TSNARE1: variants seen among roughly 807,000 people sequenced by gnomAD.
The protein encoded by TSNARE1 is t-SNARE domain containing 1.
A neutral mutation model predicts 62.0 loss-of-function variants in TSNARE1; 49 were observed. That is an observed-to-expected ratio of 0.79 (90% CI 0.63 to 1.00). The LOEUF is 1.00. TSNARE1 is among the 50% of genes least tolerant of loss of function. The pLI is 0.00. For missense variants in TSNARE1, 755 were observed against 700.1 expected, an observed-to-expected ratio of 1.08 and a Z score of -0.88; for synonymous variants, 328 against 294.4, an observed-to-expected ratio of 1.11 and a Z score of -1.17.
intron 1 of TSNARE1, among the ~76,000 whole-genome samples, chr8:142,385,036 G>A (rs191759199): frequency 9.3e-4 from 141 of 151,942 alleles, no homozygotes; most frequent in Non-Finnish European, 1.8e-3. Flanking sequence ...GACAAGAAAA[G>A]CGAATTAAAT....
At chr8:142,370,289 C>A (rs1820898008) in intron 1 of TSNARE1, among the ~76,000 whole-genome samples, 1 of 152,186 alleles carries the variant, frequency 6.6e-6, no homozygotes, top group Non-Finnish European at 1.5e-5. Context: ...CCCAGAGAGG[C>A]CAGGTATGGT....
At chr8:142,380,533 C>A (rs1225554605) in intron 1 of TSNARE1, among the ~76,000 whole-genome samples, 1 of 150,896 alleles carries the variant, frequency 6.6e-6, no homozygotes, top group East Asian at 2.0e-4. Context: ...CTGCACTCAT[C>A]TAGCCCAGGC....
intron 12 of TSNARE1, among the ~76,000 whole-genome samples, chr8:142,233,915 C>A (rs909508891): frequency 2.6e-5 from 4 of 152,132 alleles, no homozygotes; most frequent in Non-Finnish European, 5.9e-5. Flanking sequence ...CTTCCCCCTG[C>A]ACAGAATCGA....
intron 13 of TSNARE1, among the ~76,000 whole-genome samples, chr8:142,216,468 G>A (rs1815842726): frequency 6.6e-6 from 1 of 152,186 alleles, no homozygotes; most frequent in Admixed American, 6.5e-5. Flanking sequence ...GCCCAAGAGG[G>A]GTCTCCAGGA....
chr8:142,222,184 A>ACTCACTCATTCACTCACTCACTCATCCG (rs1816316883), intron 13 of TSNARE1, among the ~76,000 whole-genome samples: 1 of 60,284 alleles, frequency 1.7e-5, no homozygotes, highest in Non-Finnish European at 3.6e-5. Flanking sequence ...TCACTCATCC[A>ACTCACTCATTCACTCACTCACTCATCCG]CTCACTCATT....
intron 12 of TSNARE1, among the ~76,000 whole-genome samples, chr8:142,256,268 TC>T (rs1818545300): frequency 1.2e-4 from 5 of 41,510 alleles, no homozygotes; most frequent in African/African-American, 8.4e-5. Context: ...ACCATCACCA[TC>T]ACCACCACCA....
intron 13 of TSNARE1, among the ~76,000 whole-genome samples, chr8:142,222,101 T>C (rs1816299081): frequency 3.7e-5 from 1 of 27,300 alleles, no homozygotes; most frequent in African/African-American, 1.2e-4. Context: ...ACTCATCCAC[T>C]CCACTCACTC....
At chr8:142,353,365 C>T (rs915747689) in intron 2 of TSNARE1, among the ~76,000 whole-genome samples, 1 of 152,152 alleles carries the variant, frequency 6.6e-6, no homozygotes, top group African/African-American at 2.4e-5. Context: ...TCAATGGTCT[C>T]GGCGGGAAGG....
intron 12 of TSNARE1, among the ~76,000 whole-genome samples, chr8:142,230,419 C>T (rs1817046809): frequency 6.6e-6 from 1 of 152,198 alleles, no homozygotes; most frequent in Non-Finnish European, 1.5e-5. Flanking sequence ...CCCTAGACAG[C>T]AGGGAAGACA....
intron 11 of TSNARE1, chr8:142,277,454 C>G: frequency 1.0e-6 from 1 of 985,482 alleles, no homozygotes; most frequent in South Asian, 4.7e-5. Flanking sequence ...CCCTGCAGGC[C>G]TGGCCCTGCC....
chr8:142,379,855 T>G (rs1836606564), intron 1 of TSNARE1, among the ~76,000 whole-genome samples: 1 of 152,108 alleles, frequency 6.6e-6, no homozygotes, highest in Admixed American at 6.5e-5. Flanking sequence ...TCTGCCTAGA[T>G]CTACAGCCTT....
chr8:142,216,567 C>A (rs776538584), intron 13 of TSNARE1, among the ~76,000 whole-genome samples: 1 of 152,138 alleles, frequency 6.6e-6, no homozygotes, highest in African/African-American at 2.4e-5. Context: ...CAGCATAGCA[C>A]CCCCTGTCCC....
At chr8:142,279,773 T>C in intron 11 of TSNARE1, 1 of 670,526 alleles carries the variant, frequency 1.5e-6, no homozygotes, top group Non-Finnish European at 1.8e-6. Flanking sequence ...TGGGAGCTGG[T>C]GCAGAAGGCT....
At position 142,291,688 on chromosome 8, in the gene TSNARE1, T is replaced by A. The variant is rs1823778439; in HGVS notation, c.1291-7203A>T. Reference sequence around the variant, plus strand: ...TTACGCTCGAGTGGCGAGAGATGAATCCTAACGAGAACCCAACAGTGTGTG... The same window carrying A: ...TTACGCTCGAGTGGCGAGAGATGAAACCTAACGAGAACCCAACAGTGTGTG... On this transcript the variant is annotated intron_variant, in intron 10 of 13. Transcript: ENST00000524325. The surrounding 1 kb of genome is among the most constrained non-coding windows in gnomAD (Gnocchi z 4.8). Among the ~76,000 whole-genome samples the A allele has an allele frequency of 1.3e-5, 2 of 152,084 alleles. No individual in the cohort carries two copies. The highest frequency in any genetic ancestry group is 1.5e-5 in the Non-Finnish European group (1 of 68,026).
Position 142,391,884 on chromosome 8 carries a change from G to A in TSNARE1, c.-40+11220C>T, listed in dbSNP as rs553855162. On this transcript the variant is annotated intron_variant, in intron 1 of 13. Transcript: ENST00000524325. ...TGAGCACAGCCTACTGGGCTGAGTG[G>A]GCGGAACAAGCCTAGCGGGTGTAAG... Among the ~76,000 whole-genome samples the A allele has an allele frequency of 2.1e-3, 321 of 152,236 alleles. 1 individual carries two copies. Among genetic ancestry groups the A allele is most frequent in the Non-Finnish European group, 3.7e-3 (254 of 68,046 alleles).
chr8:142,269,122 C>T (rs1819301777), intron 12 of TSNARE1, among the ~76,000 whole-genome samples: 1 of 152,216 alleles, frequency 6.6e-6, no homozygotes, highest in Non-Finnish European at 1.5e-5. Context: ...AGGGCTCAGC[C>T]CAGAGGATAC....
At chr8:142,260,065 A>G (rs1818780295) in intron 12 of TSNARE1, among the ~76,000 whole-genome samples, 1 of 151,790 alleles carries the variant, frequency 6.6e-6, no homozygotes, top group African/African-American at 2.4e-5. Context: ...TTCCAGGCAC[A>G]GTTAAGTGTC....
In TSNARE1 at chr8:142,377,712, T is replaced by C. The variant is rs914728039; in HGVS notation, c.-39-22949A>G. ...GGGGGTGCGAAGCAGCACAGGCCCC[T>C]GCAAAATGATCATGCAGAGGGACCC... is the stretch of plus-strand genomic sequence containing the variant. On this transcript the variant is annotated intron_variant, in intron 1 of 13. Coordinates refer to ENST00000524325, the MANE Select transcript of TSNARE1 (RefSeq NM_145003.5). 9.9e-5 allele frequency among the ~76,000 whole-genome samples: 15 copies of C among 152,240 alleles called. No individual in the cohort carries two copies. The East Asian group carries it at 2.9e-3, about 29-fold the overall frequency.
At chr8:142,350,803 T>A (rs1408350457) in intron 2 of TSNARE1, among the ~76,000 whole-genome samples, 1 of 152,212 alleles carries the variant, frequency 6.6e-6, no homozygotes, top group Non-Finnish European at 1.5e-5. Context: ...AGGAAAACCC[T>A]GGTTTCTTCA....
Sources: gnomAD v4.1 joint callset for allele counts (sites outside exome capture counted in the v4.1 genomes callset) on GRCh38, gnomAD v4.1.1 for gene constraint, Gnocchi (gnomAD v3.1) non-coding constraint, MANE v1.5 for transcripts, NCBI Gene and HGNC (gene_info 2026-07-23, HGNC 2026-07-21) for gene names.